The following FIG4 variants were observed in gnomAD, a reference collection of about 807,000 sequenced individuals.
FIG4 encodes the protein FIG4 phosphoinositide 5-phosphatase.
FIG4 carries 112 observed loss-of-function variants against 118.6 expected under a neutral mutation model. The observed-to-expected ratio is 0.94, with a 90% confidence interval of 0.81 to 1.11. The LOEUF (loss-of-function observed/expected upper bound fraction) is 1.11. FIG4 is among the 50% of genes least tolerant of loss of function. FIG4 has a pLI of 0.00. For missense variants in FIG4, 969 were observed against 1,111.7 expected (o/e 0.87, Z 1.83); for synonymous variants, 369 against 381.2 (o/e 0.97, Z 0.37).
At chr6:109,786,548 C>A in intron 18 of FIG4, 99 bp downstream of exon 18, 1 of 1,372,284 alleles carries the variant, frequency 7.3e-7, no homozygotes, top group Non-Finnish European at 1.0e-6. Flanking sequence ...ATTCTGTAGG[C>A]CTTCTGTCAG....
chr6:109,759,467 A>C (rs1290887198), intron 10 of FIG4, among the ~76,000 whole-genome samples: 1 of 152,224 alleles, frequency 6.6e-6, no homozygotes, highest in Non-Finnish European at 1.5e-5. Context: ...TAAGTCTCAC[A>C]TTGATGTTGT....
At chr6:109,691,585 C>CT (rs1186688405) in intron 1 of FIG4, 84 bp downstream of exon 1, 3 of 1,158,674 alleles carry the variant, frequency 2.6e-6, no homozygotes, top group Non-Finnish European at 3.8e-6. Context: ...AGGCTGTACT[C>CT]TGCCTCCTCC....
At chr6:109,795,193 C>T (rs1051363835) in intron 21 of FIG4, among the ~76,000 whole-genome samples, 2 of 137,662 alleles carry the variant, frequency 1.5e-5, no homozygotes, top group African/African-American at 2.7e-5. Flanking sequence ...GGCGCAATCT[C>T]GGCTCACTGC....
intron 16 of FIG4, 124 bp downstream of exon 16, chr6:109,777,184 A>T (rs1193532789): frequency 2.3e-5 from 22 of 953,208 alleles, no homozygotes; most frequent in Admixed American, 1.4e-4. Flanking sequence ...TAAAATTTTT[A>T]AAATTTTTTG....
intron 21 of FIG4, among the ~76,000 whole-genome samples, chr6:109,795,852 C>T (rs1021972199): frequency 1.3e-5 from 2 of 152,074 alleles, no homozygotes; most frequent in Admixed American, 6.5e-5. Context: ...CCGCCTGCCT[C>T]GGCCTCCCAA....
At chr6:109,767,560 A>G (rs1777316884) in intron 15 of FIG4, among the ~76,000 whole-genome samples, 1 of 152,180 alleles carries the variant, frequency 6.6e-6, no homozygotes, top group African/African-American at 2.4e-5. Context: ...TTTACATAAT[A>G]TGGAGAAGAT....
chr6:109,778,658 G>A (rs920590185), intron 16 of FIG4, among the ~76,000 whole-genome samples: 1 of 151,956 alleles, frequency 6.6e-6, no homozygotes, highest in Admixed American at 6.5e-5. Context: ...GAGTGCAGTG[G>A]CGCGATCTCA....
chr6:109,782,010 T>G (rs746712156), intron 16 of FIG4, among the ~76,000 whole-genome samples: 1 of 152,132 alleles, frequency 6.6e-6, no homozygotes, highest in South Asian at 2.1e-4. Flanking sequence ...CTGCTGACAT[T>G]CATGAATGTT....
chr6:109,710,899 T>C (rs565494283), intron 1 of FIG4, among the ~76,000 whole-genome samples: 3 of 131,032 alleles, frequency 2.3e-5, no homozygotes, highest in Non-Finnish European at 5.1e-5. Flanking sequence ...CTATATACTT[T>C]ATTAGTTTTT....
intron 4 of FIG4, among the ~76,000 whole-genome samples, chr6:109,729,277 A>G (rs1404203964): frequency 6.6e-6 from 1 of 152,200 alleles, no homozygotes; most frequent in Non-Finnish European, 1.5e-5. Context: ...TTCAATACCC[A>G]TTTGTGATAA....
At chr6:109,800,725 G>T (rs1260243793) in intron 22 of FIG4, among the ~76,000 whole-genome samples, 1 of 152,064 alleles carries the variant, frequency 6.6e-6, no homozygotes, top group African/African-American at 2.4e-5. Context: ...ATGTCCCACT[G>T]GTTTTCAAGG....
chr6:109,818,475 C>A (rs1303309533), intron 22 of FIG4, among the ~76,000 whole-genome samples: 1 of 152,198 alleles, frequency 6.6e-6, no homozygotes, highest in African/African-American at 2.4e-5. Context: ...GCTGAGATTA[C>A]AGGCATGAGC....
chr6:109,822,781 GTGTA>G (rs1195977672), intron 22 of FIG4, among the ~76,000 whole-genome samples: 34 of 55,542 alleles, frequency 6.1e-4, no homozygotes, highest in Middle Eastern at 0.014. Context: ...ATGTGTGTGT[GTGTA>G]TGTATATATA....
intron 13 of FIG4, 80 bp from the exon 14 acceptor site, chr6:109,764,933 T>TTTTG: frequency 2.6e-5 from 35 of 1,338,750 alleles, no homozygotes; most frequent in Non-Finnish European, 3.5e-5. Flanking sequence ...TTGTTTTTGT[T>TTTTG]TCTTAAAGAA....
At chr6:109,793,815 A>C (rs990079003) in intron 21 of FIG4, among the ~76,000 whole-genome samples, 1 of 152,238 alleles carries the variant, frequency 6.6e-6, no homozygotes, top group African/African-American at 2.4e-5. Context: ...CTGACTGCCA[A>C]AGCAGCTCCT....
chr6:109,692,123 A>G (rs1774475464), intron 1 of FIG4, among the ~76,000 whole-genome samples: 1 of 152,206 alleles, frequency 6.6e-6, no homozygotes, highest in Non-Finnish European at 1.5e-5. Flanking sequence ...ATGGCCATGT[A>G]AATAGTGAAT....
At chr6:109,730,285 A>G (rs1775957328) in intron 4 of FIG4, among the ~76,000 whole-genome samples, 1 of 152,060 alleles carries the variant, frequency 6.6e-6, no homozygotes, top group African/African-American at 2.4e-5. Flanking sequence ...CTGGGCTCAA[A>G]CAGTTCTCCC....
chr6:109,743,315 T>C, intron 9 of FIG4, 43 bp downstream of exon 9: 1 of 1,570,868 alleles, frequency 6.4e-7, no homozygotes, highest in African/African-American at 1.4e-5. Flanking sequence ...TGTCCTCACA[T>C]TTAGAGATAA....
At chr6:109,737,205 A>T (rs1401414849) in intron 6 of FIG4, among the ~76,000 whole-genome samples, 2 of 152,156 alleles carry the variant, frequency 1.3e-5, no homozygotes, top group Non-Finnish European at 2.9e-5. Flanking sequence ...ACAGGGGTAA[A>T]CTGATAAGAA....
Sources: allele counts gnomAD v4.1 joint callset (sites outside exome capture counted in the v4.1 genomes callset), GRCh38; gene constraint gnomAD v4.1.1; transcripts MANE v1.5; gene names NCBI Gene and HGNC (gene_info 2026-07-23, HGNC 2026-07-21).